Variants in TYW1B observed in about 807,000 individuals in gnomAD.
TYW1B encodes S-adenosyl-L-methionine-dependent tRNA 4-demethylwyosine synthase TYW1B.
Under a neutral mutation model 86.9 loss-of-function variants are expected in TYW1B, and 73 were observed. The ratio of observed to expected loss-of-function variants is 0.84; its 90% CI spans 0.70 to 1.02. The LOEUF is 1.02. TYW1B is among the 50% of genes least tolerant of loss of function. The pLI is 0.00. For missense variants in TYW1B, 637 were observed against 827.4 expected (o/e 0.77, Z 2.82); for synonymous variants, 248 against 292.8 (o/e 0.85, Z 1.56).
Position 72,778,071 on chromosome 7 carries a change from T to C in TYW1B, c.847-538A>G, listed in dbSNP as rs868968770. 3.3e-4 allele frequency among the ~76,000 whole-genome samples: 51 copies of C among 152,312 alleles called. No homozygotes were observed. The Middle Eastern group carries it at 0.014, about 41-fold the overall frequency. ...AGGATGCTCTTTTGTTAAGTAACTATATATTCAAACATACACATCCAAAAA... is the reference window on the plus strand; with the variant it reads ...AGGATGCTCTTTTGTTAAGTAACTACATATTCAAACATACACATCCAAAAA... On this transcript the variant is annotated intron_variant, in intron 6 of 13. Transcript: ENST00000620995.
chr7:72,656,706 C>A (rs559170184), intron 11 of TYW1B, among the ~76,000 whole-genome samples: 11 of 152,204 alleles, frequency 7.2e-5, no homozygotes, highest in Admixed American at 3.9e-4. Context: ...GTACAGGAAG[C>A]ATGGTGCTGC....
intron 8 of TYW1B, among the ~76,000 whole-genome samples, chr7:72,738,087 T>TG (rs1787231547): frequency 8.6e-5 from 5 of 58,458 alleles, no homozygotes; most frequent in African/African-American, 2.8e-4. Context: ...TTTCTTTCTT[T>TG]CTTTTTTTTT....
chr7:72,816,268 C>T (rs1235605949), intron 2 of TYW1B, among the ~76,000 whole-genome samples: 1 of 151,840 alleles, frequency 6.6e-6, no homozygotes, highest in African/African-American at 2.4e-5. Context: ...CCCAGCTACT[C>T]GGGAGGCTGA....
At chr7:72,761,924 G>T (rs1335632381) in intron 7 of TYW1B, among the ~76,000 whole-genome samples, 2 of 151,834 alleles carry the variant, frequency 1.3e-5, no homozygotes, top group Non-Finnish European at 2.9e-5. Flanking sequence ...GTCATGATAA[G>T]GTTCATGAAA....
intron 11 of TYW1B, among the ~76,000 whole-genome samples, chr7:72,663,988 T>C (rs1385643142): frequency 3.9e-5 from 6 of 151,986 alleles, no homozygotes; most frequent in African/African-American, 1.5e-4. Flanking sequence ...TACTGAGATA[T>C]ATAAACATCA....
At chr7:72,698,288 C>T (rs573079673) in intron 10 of TYW1B, among the ~76,000 whole-genome samples, 23 of 152,148 alleles carry the variant, frequency 1.5e-4, no homozygotes, top group African/African-American at 5.3e-4. Flanking sequence ...CTACTTATGC[C>T]CATTTTAGAG....
intron 8 of TYW1B, among the ~76,000 whole-genome samples, chr7:72,733,744 C>T (rs13233268): frequency 6.6e-6 from 1 of 152,170 alleles, no homozygotes; most frequent in South Asian, 2.1e-4. Context: ...AATGGAAAGA[C>T]ATCCCATGTC....
chr7:72,600,843 C>T (rs1811646704), intron 13 of TYW1B, among the ~76,000 whole-genome samples: 1 of 151,938 alleles, frequency 6.6e-6, no homozygotes, highest in Non-Finnish European at 1.5e-5. Flanking sequence ...GCCTGGGCGA[C>T]AGAGAGAGAC....
At chr7:72,650,513 CTTT>C (rs1460565957) in intron 11 of TYW1B, among the ~76,000 whole-genome samples, 1 of 152,110 alleles carries the variant, frequency 6.6e-6, no homozygotes, top group African/African-American at 2.4e-5. Flanking sequence ...CAAAATCCTT[CTTT>C]ATCTAATGTG....
At chr7:72,715,249 C>A (rs1786756482) in intron 9 of TYW1B, among the ~76,000 whole-genome samples, 1 of 152,096 alleles carries the variant, frequency 6.6e-6, no homozygotes, top group African/African-American at 2.4e-5. Flanking sequence ...GCACACACCA[C>A]TCGTTCTGAA....
At chr7:72,583,828 C>G (rs1309468831) in intron 13 of TYW1B, among the ~76,000 whole-genome samples, 5 of 152,146 alleles carry the variant, frequency 3.3e-5, no homozygotes, top group African/African-American at 7.2e-5. Flanking sequence ...ACATTCCTAT[C>G]TTTAGAATGA....
At chr7:72,611,997 C>T (rs3015916) in intron 13 of TYW1B, among the ~76,000 whole-genome samples, 7,147 of 152,082 alleles carry the variant, frequency 0.047, 503 homozygotes, top group East Asian at 0.32. Flanking sequence ...CTTTTTCCTT[C>T]CTTCTTTCCT....
chr7:72,715,589 A>G (rs1554455754), intron 9 of TYW1B, among the ~76,000 whole-genome samples: 1 of 151,994 alleles, frequency 6.6e-6, no homozygotes, highest in African/African-American at 2.4e-5. Flanking sequence ...GGCCTATCAG[A>G]GGGTGGAGGG....
At chr7:72,632,353 TATTA>T (rs1447832613) in intron 11 of TYW1B, among the ~76,000 whole-genome samples, 1 of 124,178 alleles carries the variant, frequency 8.1e-6, no homozygotes, top group African/African-American at 3.3e-5. Flanking sequence ...ATATTATATA[TATTA>T]TATATATACG....
intron 10 of TYW1B, among the ~76,000 whole-genome samples, chr7:72,704,898 C>G (rs1814576634): frequency 6.6e-6 from 1 of 152,184 alleles, no homozygotes; most frequent in Admixed American, 6.6e-5. Flanking sequence ...CTTTCTCTCT[C>G]TCTCTTTAGC....
At chr7:72,632,845 T>C (rs2844133) in intron 11 of TYW1B, among the ~76,000 whole-genome samples, 4 of 152,162 alleles carry the variant, frequency 2.6e-5, no homozygotes, top group African/African-American at 4.8e-5. Flanking sequence ...TTTACAGATA[T>C]GAAGGTGAGG....
intron 6 of TYW1B, among the ~76,000 whole-genome samples, chr7:72,798,184 A>G (rs1788342271): frequency 6.6e-6 from 1 of 151,998 alleles, no homozygotes; most frequent in Non-Finnish European, 1.5e-5. Flanking sequence ...CGGGCAGATC[A>G]CGAGGTCAGG....
At chr7:72,807,646 C>T (rs1788523670) in intron 4 of TYW1B, among the ~76,000 whole-genome samples, 1 of 152,104 alleles carries the variant, frequency 6.6e-6, no homozygotes, top group African/African-American at 2.4e-5. Context: ...AATTTGAAAC[C>T]TACCATTCTA....
At chr7:72,599,510 T>C (rs1228881115) in intron 13 of TYW1B, among the ~76,000 whole-genome samples, 1 of 152,082 alleles carries the variant, frequency 6.6e-6, no homozygotes, top group Non-Finnish European at 1.5e-5. Flanking sequence ...CCATTCCTAT[T>C]CAAGATTATA....
Sources: allele counts gnomAD v4.1 joint callset (sites outside exome capture counted in the v4.1 genomes callset), GRCh38; gene constraint gnomAD v4.1.1; transcripts MANE v1.5; gene names NCBI Gene and HGNC (gene_info 2026-07-23, HGNC 2026-07-21).